Variants in FAM107B observed in about 807,000 individuals in gnomAD.
FAM107B encodes family with sequence similarity 107 member B.
In FAM107B, 21 loss-of-function variants were observed where a neutral mutation model predicts 31.5. The observed-to-expected ratio is 0.67, with a 90% confidence interval of 0.47 to 0.96. The LOEUF (loss-of-function observed/expected upper bound fraction) is 0.96, where lower values mean the gene tolerates loss of function less well. Ranked by LOEUF, FAM107B falls within the 40% of genes least tolerant of loss-of-function variation. The pLI is 0.00. For synonymous variants in FAM107B, 157 were observed against 141.5 expected (o/e 1.11, Z -0.78); for missense variants, 452 against 377.1 (o/e 1.20, Z -1.64).
rs145184390 is a variant in FAM107B, at chr10:14,578,703, G to C, written c.470-48188C>G. Among the ~76,000 whole-genome samples, 94 of 152,294 alleles carry C rather than the reference G, an allele frequency of 6.2e-4. 1 individual carries two copies. In the East Asian group the frequency reaches 0.018, roughly 29 times the overall value. On this transcript the variant is annotated intron_variant, in intron 2 of 4. Transcript: ENST00000181796. Reference sequence around the variant, plus strand: ...GGTCACAAGAAAGAATTATTTACTTGGGAATTCCTGTTCAGCAAAAGAAAA... The same window carrying C: ...GGTCACAAGAAAGAATTATTTACTTCGGAATTCCTGTTCAGCAAAAGAAAA...
In FAM107B at chr10:14,577,644, T is replaced by C. The variant is rs78446108; in HGVS notation, c.470-47129A>G. 6.6e-5 allele frequency among the ~76,000 whole-genome samples: 10 copies of C among 152,322 alleles called. No individual in the cohort carries two copies. The East Asian group carries it at 1.3e-3, about 21-fold the overall frequency. On this transcript the variant is annotated intron_variant, in intron 2 of 4. Coordinates refer to ENST00000181796, the MANE Select transcript of FAM107B (RefSeq NM_031453.4). The stretch of plus-strand genomic sequence containing the variant: ...GCTCCCAAGATGGCAGGAGAGGCCT[T>C]GTTCTCTAACGCTAATCTCAGCTCA...
rs560296848 is a variant in FAM107B, at chr10:14,726,828, T to G, written c.411+47425A>C. On this transcript the variant is annotated intron_variant, in intron 1 of 4. Coordinates refer to ENST00000181796, the MANE Select transcript of FAM107B (RefSeq NM_031453.4). Reference sequence around the variant, plus strand: ...AAGACAATTTTTCCACAGACCAGGGTGTGGGGATGGTTTTAGGATGATTCA... The same window carrying G: ...AAGACAATTTTTCCACAGACCAGGGGGTGGGGATGGTTTTAGGATGATTCA... Among the ~76,000 whole-genome samples, 16 of 152,000 alleles carry G rather than the reference T, an allele frequency of 1.1e-4. No individual in the cohort carries two copies. In the East Asian group the frequency reaches 3.1e-3, roughly 29 times the overall value.
intron 2 of FAM107B, among the ~76,000 whole-genome samples, chr10:14,659,167 A>T (rs1564617016): frequency 6.6e-6 from 1 of 151,488 alleles, no homozygotes; most frequent in Non-Finnish European, 1.5e-5. Flanking sequence ...CTGGCTGGGC[A>T]CGGTGGCTCA....
At chr10:14,763,641 C>T (rs562924480) in intron 1 of FAM107B, among the ~76,000 whole-genome samples, 1 of 152,258 alleles carries the variant, frequency 6.6e-6, no homozygotes, top group South Asian at 2.1e-4. Context: ...AAAGACAGCA[C>T]TTCCGGAACT....
chr10:14,751,154 C>T (rs1832819641), intron 1 of FAM107B, among the ~76,000 whole-genome samples: 1 of 152,210 alleles, frequency 6.6e-6, no homozygotes, highest in Non-Finnish European at 1.5e-5. Context: ...TGCCTCCCTT[C>T]CTCATTAGGG....
At chr10:14,616,912 CT>C (rs1287339019) in intron 2 of FAM107B, among the ~76,000 whole-genome samples, 1 of 151,610 alleles carries the variant, frequency 6.6e-6, no homozygotes, top group East Asian at 1.9e-4. Context: ...CAGGGAGACC[CT>C]GTCTCAAAAA....
At chr10:14,713,112 T>G (rs1855699170) in intron 1 of FAM107B, among the ~76,000 whole-genome samples, 1 of 152,140 alleles carries the variant, frequency 6.6e-6, no homozygotes, top group African/African-American at 2.4e-5. Context: ...ATCCTCCCTC[T>G]CTCTGGCTAA....
intron 2 of FAM107B, among the ~76,000 whole-genome samples, chr10:14,637,862 G>T (rs1335253999): frequency 6.6e-6 from 1 of 152,102 alleles, no homozygotes; most frequent in Non-Finnish European, 1.5e-5. Flanking sequence ...CACCTGCAAA[G>T]AACTGAATTC....
chr10:14,556,479 A>G, intron 2 of FAM107B: 1 of 934,944 alleles, frequency 1.1e-6, no homozygotes, highest in Non-Finnish European at 1.3e-6. Context: ...CATATTTGTC[A>G]AGCCCCGACC....
chr10:14,546,460 G>A (rs1238001132), intron 2 of FAM107B, among the ~76,000 whole-genome samples: 1 of 152,192 alleles, frequency 6.6e-6, no homozygotes, highest in Non-Finnish European at 1.5e-5. Flanking sequence ...TGTTTCAACT[G>A]TAAGTACACT....
At chr10:14,646,789 C>CTTTTTTTTTTTT (rs369557470) in intron 2 of FAM107B, among the ~76,000 whole-genome samples, 2 of 86,766 alleles carry the variant, frequency 2.3e-5, no homozygotes, top group Non-Finnish European at 2.0e-5. Flanking sequence ...CCATTTTCTC[C>CTTTTTTTTTTTT]TTTTTTTTTT....
intron 1 of FAM107B, among the ~76,000 whole-genome samples, chr10:14,745,403 T>G (rs541900071): frequency 6.6e-6 from 1 of 152,310 alleles, no homozygotes; most frequent in Non-Finnish European, 1.5e-5. Context: ...AGGATGTCAG[T>G]TTGAGATCTT....
At chr10:14,584,234 C>A (rs1394521121) in intron 2 of FAM107B, among the ~76,000 whole-genome samples, 1 of 152,162 alleles carries the variant, frequency 6.6e-6, no homozygotes, top group Non-Finnish European at 1.5e-5. Context: ...CAGGAAGAAG[C>A]ACTTAAGCCC....
chr10:14,526,260 G>A (rs562465702), intron 3 of FAM107B, among the ~76,000 whole-genome samples: 8 of 152,174 alleles, frequency 5.3e-5, no homozygotes, highest in South Asian at 2.1e-4. Context: ...TGCAACCTCC[G>A]CTTCCTGGGT....
chr10:14,617,011 A>G (rs1482292020), intron 2 of FAM107B, among the ~76,000 whole-genome samples: 3 of 152,108 alleles, frequency 2.0e-5, no homozygotes, highest in African/African-American at 7.2e-5. Flanking sequence ...AGAGAAGGAT[A>G]AGGAAGAGAA....
At chr10:14,640,204 T>C (rs1273488813) in intron 2 of FAM107B, among the ~76,000 whole-genome samples, 2 of 152,228 alleles carry the variant, frequency 1.3e-5, no homozygotes, top group Non-Finnish European at 2.9e-5. Context: ...ACAGAGCAGT[T>C]AGGTATCTTG....
At chr10:14,532,964 G>A (rs1205498836) in intron 2 of FAM107B, among the ~76,000 whole-genome samples, 2 of 150,196 alleles carry the variant, frequency 1.3e-5, no homozygotes, top group African/African-American at 4.8e-5. Flanking sequence ...GAGGGTGCCT[G>A]GGGGGGATGA....
chr10:14,743,719 G>C (rs1465635392), intron 1 of FAM107B, among the ~76,000 whole-genome samples: 1 of 152,156 alleles, frequency 6.6e-6, no homozygotes, highest in Non-Finnish European at 1.5e-5. Context: ...CTATGTGTCT[G>C]TTTTTGTACC....
chr10:14,715,938 C>T (rs1340045619), intron 1 of FAM107B, among the ~76,000 whole-genome samples: 1 of 152,124 alleles, frequency 6.6e-6, no homozygotes, highest in Non-Finnish European at 1.5e-5. Flanking sequence ...ATTTCTTGGC[C>T]TCCACAATCA....
Sources: gnomAD v4.1 joint callset for allele counts (sites outside exome capture counted in the v4.1 genomes callset) on GRCh38, gnomAD v4.1.1 for gene constraint, MANE v1.5 for transcripts, NCBI Gene and HGNC (gene_info 2026-07-23, HGNC 2026-07-21) for gene names.